CPQ: variants seen among roughly 807,000 people sequenced by gnomAD.
CPQ encodes carboxypeptidase Q, also known as Ser-Met dipeptidase.
CPQ carries 37 observed loss-of-function variants against 45.7 expected under a neutral mutation model. The observed-to-expected ratio is 0.81, with a 90% confidence interval of 0.62 to 1.07. The LOEUF (loss-of-function observed/expected upper bound fraction) is 1.07, where lower values mean the gene tolerates loss of function less well. Among genes scored for constraint, CPQ ranks in the 50% least tolerant of loss-of-function variants. The pLI is 0.00. For synonymous variants in CPQ, 186 were observed against 205.8 expected (o/e 0.90, Z 0.82); for missense variants, 537 against 572.9 (o/e 0.94, Z 0.64).
At chr8:97,060,565 G>T (rs929567624) in intron 6 of CPQ, among the ~76,000 whole-genome samples, 3 of 152,150 alleles carry the variant, frequency 2.0e-5, no homozygotes, top group African/African-American at 7.2e-5. Context: ...GGGGTTTACA[G>T]ATAATATCTG....
At chr8:96,947,578 G>A (rs1813207922) in intron 4 of CPQ, among the ~76,000 whole-genome samples, 1 of 151,908 alleles carries the variant, frequency 6.6e-6, no homozygotes, top group Admixed American at 6.6e-5. Context: ...TTTTAGAATT[G>A]TGTTTTCTAT....
chr8:97,092,023 G>A (rs903147211), intron 7 of CPQ, among the ~76,000 whole-genome samples: 7 of 151,996 alleles, frequency 4.6e-5, no homozygotes, highest in Non-Finnish European at 8.8e-5. Context: ...TTAGTTATTC[G>A]TCTGTTTGTA....
chr8:96,859,957 C>A (rs1039190692), intron 3 of CPQ, among the ~76,000 whole-genome samples: 1 of 151,940 alleles, frequency 6.6e-6, no homozygotes, highest in Non-Finnish European at 1.5e-5. Context: ...TAGAGATTAC[C>A]AAATTGTTCT....
chr8:97,018,651 G>A (rs573619200), intron 5 of CPQ, among the ~76,000 whole-genome samples: 5 of 152,240 alleles, frequency 3.3e-5, no homozygotes, highest in Non-Finnish European at 7.4e-5. Context: ...TTCAGAGCTT[G>A]AAGACAAAGT....
intron 2 of CPQ, among the ~76,000 whole-genome samples, chr8:96,807,018 A>G (rs1472217987): frequency 1.3e-5 from 2 of 152,194 alleles, no homozygotes; most frequent in African/African-American, 4.8e-5. Context: ...AGGACAAAAT[A>G]TTAAGTTTTA....
intron 6 of CPQ, among the ~76,000 whole-genome samples, chr8:97,046,780 T>A (rs1810264693): frequency 6.6e-6 from 1 of 152,112 alleles, no homozygotes; most frequent in African/African-American, 2.4e-5. Context: ...CTGGCAGTGT[T>A]TTTTCCCCTC....
At chr8:97,130,784 T>G (rs1811941197) in intron 7 of CPQ, among the ~76,000 whole-genome samples, 1 of 152,158 alleles carries the variant, frequency 6.6e-6, no homozygotes, top group Admixed American at 6.5e-5. Context: ...CCAGGCTGCT[T>G]CTTAACACAT....
intron 5 of CPQ, among the ~76,000 whole-genome samples, chr8:97,026,330 A>G (rs1156514844): frequency 6.6e-6 from 1 of 152,204 alleles, no homozygotes; most frequent in Non-Finnish European, 1.5e-5. Flanking sequence ...TCCTTATTAT[A>G]TAGATGAAGA....
intron 1 of CPQ, among the ~76,000 whole-genome samples, chr8:96,777,754 ATATATATTTTTTTTT>A (rs1810632169): frequency 8.1e-5 from 1 of 12,318 alleles, no homozygotes; most frequent in African/African-American, 3.4e-4. Flanking sequence ...ATATATATAT[ATATATATTTTTTTTT>A]TTTTTTTTTT....
intron 6 of CPQ, among the ~76,000 whole-genome samples, chr8:97,037,000 G>A (rs544695692): frequency 7.9e-5 from 12 of 152,260 alleles, no homozygotes; most frequent in South Asian, 2.1e-4. Context: ...CCAAATACAC[G>A]AATTTATCTG....
chr8:96,886,462 G>A (rs1005803934), intron 4 of CPQ, among the ~76,000 whole-genome samples: 4 of 152,128 alleles, frequency 2.6e-5, no homozygotes, highest in Non-Finnish European at 5.9e-5. Context: ...AAAATTCAGA[G>A]GAAACTTCTT....
In CPQ at chr8:96,937,863, G is replaced by A. The variant is rs1235780481; in HGVS notation, c.850-28072G>A. Among the ~76,000 whole-genome samples, 10 of 152,158 alleles carry A rather than the reference G, an allele frequency of 6.6e-5. 1 individual carries two copies. Among genetic ancestry groups the A allele is most frequent in the Admixed American group, 3.9e-4 (6 of 15,274 alleles). ...ATTACAGTGTCTGCATTCCTTAGACGCTCCTATCATGCTGTGCTAGTCGGG... is the reference window on the plus strand; with the variant it reads ...ATTACAGTGTCTGCATTCCTTAGACACTCCTATCATGCTGTGCTAGTCGGG... On this transcript the variant is annotated intron_variant, in intron 4 of 7. Transcript: ENST00000220763.
At chr8:96,675,661 A>G (rs909564843) in intron 1 of CPQ, among the ~76,000 whole-genome samples, 2 of 152,064 alleles carry the variant, frequency 1.3e-5, no homozygotes, top group African/African-American at 4.8e-5. Context: ...CAGCAGCAAT[A>G]TGGAAGTGTG....
intron 7 of CPQ, among the ~76,000 whole-genome samples, chr8:97,115,223 A>G (rs1224573414): frequency 6.6e-6 from 1 of 152,230 alleles, no homozygotes; most frequent in African/African-American, 2.4e-5. Context: ...CTCAAGGTCC[A>G]GAGTATACAG....
At chr8:97,030,888 G>A (rs12677510) in intron 6 of CPQ, among the ~76,000 whole-genome samples, 50,237 of 151,874 alleles carry the variant, frequency 0.33, 10,249 homozygotes, top group East Asian at 0.5. Context: ...GGAGGAGGTG[G>A]GTACTGCACC....
chr8:97,099,377 C>T (rs1811265199), intron 7 of CPQ, among the ~76,000 whole-genome samples: 2 of 151,774 alleles, frequency 1.3e-5, no homozygotes, highest in Admixed American at 6.6e-5. Context: ...GCGATCCATC[C>T]ACCTTGGCCT....
intron 1 of CPQ, among the ~76,000 whole-genome samples, chr8:96,716,376 T>A (rs1240364348): frequency 6.6e-6 from 1 of 152,200 alleles, no homozygotes; most frequent in African/African-American, 2.4e-5. Context: ...GGTGTTTTGT[T>A]ACATGGATAT....
At chr8:97,067,178 T>G (rs571939955) in intron 7 of CPQ, among the ~76,000 whole-genome samples, 1 of 152,104 alleles carries the variant, frequency 6.6e-6, no homozygotes, top group East Asian at 1.9e-4. Context: ...CTGCCTGCCT[T>G]GGCTTCCCAA....
intron 1 of CPQ, among the ~76,000 whole-genome samples, chr8:96,740,054 G>A (rs1267987690): frequency 2.6e-5 from 4 of 152,058 alleles, no homozygotes; most frequent in African/African-American, 7.3e-5. Flanking sequence ...ACCTTGGGCA[G>A]TATGGCCATT....
Sources: allele counts gnomAD v4.1 joint callset (sites outside exome capture counted in the v4.1 genomes callset), GRCh38; gene constraint gnomAD v4.1.1; transcripts MANE v1.5; gene names NCBI Gene and HGNC (gene_info 2026-07-23, HGNC 2026-07-21).